The following PRKN variants were observed in gnomAD, a reference collection of about 807,000 sequenced individuals.
The protein encoded by PRKN is parkin RBR E3 ubiquitin protein ligase.
In PRKN, 56 loss-of-function variants were observed where a neutral mutation model predicts 59.5. The ratio of observed to expected loss-of-function variants is 0.94; its 90% CI spans 0.76 to 1.18. The LOEUF (loss-of-function observed/expected upper bound fraction) is 1.18, where lower values mean the gene tolerates loss of function less well. PRKN is among the 50% of genes most tolerant of loss of function. The probability of loss-of-function intolerance (pLI) is 0.00; values close to 1 mark genes in which losing one functional copy is unlikely to be tolerated. For missense variants in PRKN, 657 were observed against 596.4 expected (o/e 1.10, Z -1.06); for synonymous variants, 250 against 222.1 (o/e 1.13, Z -1.12).
At position 162,676,962 on chromosome 6, in the gene PRKN, G is replaced by A. The variant is rs1779571430; in HGVS notation, c.7+50700C>T. 4.6e-5 allele frequency among the ~76,000 whole-genome samples: 7 copies of A among 151,376 alleles called. No individual in the cohort carries two copies. The South Asian group carries it at 1.5e-3, about 32-fold the overall frequency. ...TGTAATCCCAGCTACTTGGGAGGCT[G>A]AGGCAGAAGAATCGCTTGAACCCGG... On this transcript the variant is annotated intron_variant, in intron 1 of 11. Coordinates refer to ENST00000366898, the MANE Select transcript of PRKN (RefSeq NM_004562.3).
At chr6:162,637,442 T>C (rs918889681) in intron 1 of PRKN, among the ~76,000 whole-genome samples, 2 of 152,034 alleles carry the variant, frequency 1.3e-5, no homozygotes, top group African/African-American at 4.8e-5. Context: ...TTCTAAACAG[T>C]AGGGAGAGAT....
rs578244545 is a variant in PRKN, at chr6:161,479,355, A to G, written c.1083+69499T>C. Reference sequence around the variant, plus strand: ...TATGTATCCTAAAATGCCTAGAAAGATAAGTAATAATAAGTAGTGAGATTC... The same window carrying G: ...TATGTATCCTAAAATGCCTAGAAAGGTAAGTAATAATAAGTAGTGAGATTC... On this transcript the variant is annotated intron_variant, in intron 9 of 11. Transcript: ENST00000366898. 1.5e-3 allele frequency among the ~76,000 whole-genome samples: 229 copies of G among 152,352 alleles called. 1 individual carries two copies. Among genetic ancestry groups the G allele is most frequent in the Non-Finnish European group, 2.8e-3 (191 of 68,026 alleles).
intron 4 of PRKN, among the ~76,000 whole-genome samples, chr6:162,104,495 A>T (rs559301716): frequency 6.6e-6 from 1 of 152,228 alleles, no homozygotes; most frequent in African/African-American, 2.4e-5. Flanking sequence ...ACAACTAATC[A>T]TATTAATAGG....
At chr6:162,710,731 C>A (rs1778505914) in intron 1 of PRKN, among the ~76,000 whole-genome samples, 1 of 152,108 alleles carries the variant, frequency 6.6e-6, no homozygotes, top group African/African-American at 2.4e-5. Flanking sequence ...ACTATAATAG[C>A]ATCACCTGTT....
At chr6:161,651,344 C>T (rs781126386) in intron 7 of PRKN, among the ~76,000 whole-genome samples, 7 of 152,182 alleles carry the variant, frequency 4.6e-5, no homozygotes, top group South Asian at 2.1e-4. Context: ...GTCTTTAAGT[C>T]TCTAATATGG....
chr6:161,429,279 G>C lies in PRKN; in HGVS notation c.1084-42402C>G, dbSNP rs971521178. Among the ~76,000 whole-genome samples the C allele has an allele frequency of 1.2e-4, 19 of 152,172 alleles. No individual in the cohort carries two copies. Among genetic ancestry groups the C allele is most frequent in the South Asian group, 2.1e-4 (1 of 4,832 alleles). On this transcript the variant is annotated intron_variant, in intron 9 of 11. Transcript: ENST00000366898. The surrounding 1 kb of genome is among the most constrained non-coding windows in gnomAD (Gnocchi z 4.2). ...CTGAGACATGCTAGGTGCTGGGCTA[G>C]GTGTGGAATACAATGGTAAACAAGA...
chr6:161,435,387 C>G (rs1011239821), intron 9 of PRKN, among the ~76,000 whole-genome samples: 4 of 152,052 alleles, frequency 2.6e-5, no homozygotes, highest in African/African-American at 9.7e-5. Flanking sequence ...GCAAAGGGAT[C>G]GTGTGAAGGT....
intron 3 of PRKN, among the ~76,000 whole-genome samples, chr6:162,227,147 T>C (rs1778217049): frequency 6.6e-6 from 1 of 152,206 alleles, no homozygotes; most frequent in African/African-American, 2.4e-5. Context: ...CATACAGTCT[T>C]CCGCATATGT....
At chr6:162,121,303 T>C (rs778103189) in intron 4 of PRKN, among the ~76,000 whole-genome samples, 1 of 152,104 alleles carries the variant, frequency 6.6e-6, no homozygotes, top group Non-Finnish European at 1.5e-5. Flanking sequence ...ATAAAGCCCA[T>C]GAAAATGTAG....
At chr6:162,116,709 G>T (rs1780690346) in intron 4 of PRKN, among the ~76,000 whole-genome samples, 1 of 152,162 alleles carries the variant, frequency 6.6e-6, no homozygotes, top group East Asian at 1.9e-4. Context: ...GACAGGCAGA[G>T]AATAGGAAAT....
chr6:161,628,984 G>A (rs1338693044), intron 7 of PRKN, among the ~76,000 whole-genome samples: 1 of 152,162 alleles, frequency 6.6e-6, no homozygotes, highest in Admixed American at 6.5e-5. Flanking sequence ...TTGTAAGTGG[G>A]AGCTGAAACA....
chr6:162,154,435 T>C (rs1280316090), intron 4 of PRKN, among the ~76,000 whole-genome samples: 1 of 152,108 alleles, frequency 6.6e-6, no homozygotes, highest in African/African-American at 2.4e-5. Context: ...AGGGGACCAT[T>C]TGTGAAGTAG....
intron 6 of PRKN, among the ~76,000 whole-genome samples, chr6:161,962,547 T>G (rs1780419937): frequency 6.6e-6 from 1 of 151,098 alleles, no homozygotes; most frequent in Admixed American, 6.6e-5. Flanking sequence ...CACCTTTTTT[T>G]TTTTTTTTTT....
chr6:162,124,321 C>A (rs1478045354), intron 4 of PRKN, among the ~76,000 whole-genome samples: 2 of 152,100 alleles, frequency 1.3e-5, no homozygotes, highest in Non-Finnish European at 2.9e-5. Context: ...GTAATGAATT[C>A]TCTACTTAAA....
chr6:161,595,036 C>T (rs555416114), intron 7 of PRKN, among the ~76,000 whole-genome samples: 5 of 152,198 alleles, frequency 3.3e-5, no homozygotes, highest in Admixed American at 1.3e-4. Flanking sequence ...GGGTGGGTAC[C>T]CTTTGTGCTA....
intron 9 of PRKN, among the ~76,000 whole-genome samples, chr6:161,426,675 ACCT>A (rs1788375200): frequency 7.3e-6 from 1 of 137,068 alleles, no homozygotes; most frequent in African/African-American, 2.7e-5. Flanking sequence ...ACACACACAC[ACCT>A]CCTATTAGTT....
intron 7 of PRKN, among the ~76,000 whole-genome samples, chr6:161,690,523 CA>C (rs1393381973): frequency 6.6e-6 from 1 of 152,210 alleles, no homozygotes; most frequent in Non-Finnish European, 1.5e-5. Flanking sequence ...ATCCACTTGA[CA>C]AAATCATGGG....
chr6:162,004,637 A>G (rs1023898882), intron 5 of PRKN, among the ~76,000 whole-genome samples: 2 of 152,330 alleles, frequency 1.3e-5, no homozygotes, highest in South Asian at 2.1e-4. Flanking sequence ...AGTTTTCTGA[A>G]GATGTCTGTT....
At chr6:162,603,462 G>T (rs1781787439) in intron 1 of PRKN, among the ~76,000 whole-genome samples, 1 of 152,124 alleles carries the variant, frequency 6.6e-6, no homozygotes, top group Non-Finnish European at 1.5e-5. Flanking sequence ...TCATTTACAT[G>T]TTGTCTTTGA....
Sources: allele counts gnomAD v4.1 joint callset (sites outside exome capture counted in the v4.1 genomes callset), GRCh38; gene constraint gnomAD v4.1.1; non-coding constraint Gnocchi (gnomAD v3.1); transcripts MANE v1.5; gene names NCBI Gene and HGNC (gene_info 2026-07-23, HGNC 2026-07-21).